The following PGPEP1L variants were observed in gnomAD, a reference collection of about 807,000 sequenced individuals.
PGPEP1L encodes pyroglutamyl-peptidase 1-like protein.
In PGPEP1L, 7 loss-of-function variants were observed where a neutral mutation model predicts 6.0. The ratio of observed to expected loss-of-function variants is 1.17; its 90% CI spans 0.66 to 2.19. PGPEP1L has a LOEUF of 2.19. Ranked by LOEUF, PGPEP1L falls within the 30% of genes most tolerant of loss-of-function variation. PGPEP1L has a pLI of 0.00. For synonymous variants in PGPEP1L, 103 were observed against 83.9 expected (o/e 1.23, Z -1.24); for missense variants, 209 against 192.5 (o/e 1.09, Z -0.51).
chr15:99,003,557 G>C (rs150573569), intron 2 of PGPEP1L, among the ~76,000 whole-genome samples: 1 of 152,292 alleles, frequency 6.6e-6, no homozygotes, highest in Non-Finnish European at 1.5e-5. Flanking sequence ...GAAGCAATTT[G>C]TCGGAGCCCT....
intron 2 of PGPEP1L, among the ~76,000 whole-genome samples, chr15:99,001,711 T>TTTTAC (rs59885998): frequency 0.078 from 11,861 of 151,236 alleles, 544 homozygotes; most frequent in South Asian, 0.11. Context: ...TATTTGTGTT[T>TTTTAC]TTTATTTTTG....
chr15:99,007,337 T>C (rs79562855), intron 1 of PGPEP1L, 22 bp downstream of exon 1: 14,824 of 152,294 alleles, frequency 0.097, 835 homozygotes, highest in African/African-American at 0.12. Context: ...GGTGAGCAGC[T>C]CTCCTAGCTC....
At chr15:98,979,032 G>GAT (rs35480332) in intron 2 of PGPEP1L, among the ~76,000 whole-genome samples, 5,232 of 145,702 alleles carry the variant, frequency 0.036, 190 homozygotes, top group African/African-American at 0.095. Flanking sequence ...CTGGCTACAG[G>GAT]ATATATATAT....
rs188379047 is a variant in PGPEP1L, at chr15:98,974,851, C to T, written c.-141-3693G>A. ...GGCGGAGGCTGCAGTGAGCCAAAAT[C>T]GCACCACTTCATTCCAGCCTGGGCA... On this transcript the variant is annotated intron_variant, in intron 2 of 4. Transcript: ENST00000535714. 5.2e-3 allele frequency among the ~76,000 whole-genome samples: 791 copies of T among 152,240 alleles called. 1 individual carries two copies. The highest frequency in any genetic ancestry group is 8.2e-3 in the Non-Finnish European group (556 of 68,016).
intron 2 of PGPEP1L, among the ~76,000 whole-genome samples, chr15:98,993,978 C>A (rs2017853764): frequency 6.6e-6 from 1 of 152,122 alleles, no homozygotes; most frequent in Admixed American, 6.5e-5. Flanking sequence ...CCTTAAAAAA[C>A]AAATTTTGGC....
chr15:99,007,007 T>C (rs2018079548), intron 1 of PGPEP1L, among the ~76,000 whole-genome samples: 1 of 152,102 alleles, frequency 6.6e-6, no homozygotes, highest in South Asian at 2.1e-4. Flanking sequence ...TCTGCTGAAT[T>C]GTCCTCCTGA....
intron 2 of PGPEP1L, among the ~76,000 whole-genome samples, chr15:99,000,301 T>G (rs1014160211): frequency 6.6e-6 from 1 of 152,152 alleles, no homozygotes; most frequent in Admixed American, 6.5e-5. Flanking sequence ...CTCCGTGGGC[T>G]CCTGTGCCAA....
chr15:99,006,587 G>C (rs782752595), intron 1 of PGPEP1L, among the ~76,000 whole-genome samples: 36 of 152,346 alleles, frequency 2.4e-4, no homozygotes, highest in Admixed American at 5.2e-4. Context: ...TCAGCATTTT[G>C]AGAGGCCAAG....
chr15:98,981,742 A>G (rs1297156627), intron 2 of PGPEP1L, among the ~76,000 whole-genome samples: 7 of 152,196 alleles, frequency 4.6e-5, no homozygotes, highest in Non-Finnish European at 1.0e-4. Context: ...CTAACGTACA[A>G]GGTTAATAAT....
At chr15:98,973,170 T>G (rs187170925) in intron 2 of PGPEP1L, among the ~76,000 whole-genome samples, 83 of 152,332 alleles carry the variant, frequency 5.4e-4, no homozygotes, top group African/African-American at 1.9e-3. Context: ...ATAGCTATTA[T>G]AAATGTATAT....
chr15:98,985,735 CCT>C lies in PGPEP1L; in HGVS notation c.-141-14579_-141-14578del, dbSNP rs201989566. ...ATGTGCCCTCAGGCCAGATGTGCAA[CCT>C]CTCTGAGCACCCCTTTCCTCATCTG... On this transcript the variant is annotated intron_variant, in intron 2 of 4. Transcript: ENST00000535714. Among the ~76,000 whole-genome samples the C allele has an allele frequency of 5.7e-3, 866 of 152,340 alleles. 9 individuals carry two copies. The highest frequency in any genetic ancestry group is 0.02 in the African/African-American group (818 of 41,570).
In PGPEP1L at chr15:98,998,641, C is replaced by G. The variant is rs141229622; in HGVS notation, c.-142+6788G>C. ...GAACCCTTCAACCTAAGCCTCACCC[C>G]TTACACAAAACTTAACCCAAATGAA... On this transcript the variant is annotated intron_variant, in intron 2 of 4. Coordinates refer to ENST00000535714, the MANE Select transcript of PGPEP1L (RefSeq NM_001167902.2). Among the ~76,000 whole-genome samples, 364 of 152,298 alleles carry G rather than the reference C, an allele frequency of 2.4e-3. 3 individuals are homozygous for G. Among genetic ancestry groups the G allele is most frequent in the African/African-American group, 8.3e-3 (344 of 41,564 alleles).
chr15:98,994,265 C>CA (rs1323437126), intron 2 of PGPEP1L, among the ~76,000 whole-genome samples: 1 of 151,782 alleles, frequency 6.6e-6, no homozygotes, highest in Non-Finnish European at 1.5e-5. Context: ...GACTCTGTCT[C>CA]AAAAAACAAA....
At position 98,969,423 on chromosome 15, in the gene PGPEP1L, A is replaced by ACC. The variant is rs746991281; in HGVS notation, c.209_209+1dup. The stretch of plus-strand genomic sequence containing the variant: ...CAGAGTCCTGACACCCACAGAGCAT[A>ACC]CCTGCCTGCATCTCGGGAAAAGATC... On this transcript the variant is annotated splice_donor_variant, in intron 4 of 4. Transcript: ENST00000535714. LOFTEE classifies it high-confidence loss of function. The ACC allele has an allele frequency of 5.0e-6, 8 of 1,613,884 alleles. No homozygotes were observed. The East Asian group carries it at 1.8e-4, about 36-fold the overall frequency.
At chr15:98,988,262 T>C (rs905409898) in intron 2 of PGPEP1L, among the ~76,000 whole-genome samples, 4 of 152,084 alleles carry the variant, frequency 2.6e-5, no homozygotes, top group African/African-American at 4.8e-5. Flanking sequence ...CACTGCAGCA[T>C]AGCAGTCTGA....
intron 2 of PGPEP1L, 136 bp from the exon 3 acceptor site, chr15:98,971,294 C>T: frequency 8.0e-7 from 1 of 1,244,674 alleles, no homozygotes; most frequent in Non-Finnish European, 1.1e-6. Flanking sequence ...CCTCAAGGAG[C>T]TCACAAAGTG....
chr15:98,987,412 G>A (rs1237841841), intron 2 of PGPEP1L, among the ~76,000 whole-genome samples: 1 of 151,996 alleles, frequency 6.6e-6, no homozygotes, highest in African/African-American at 2.4e-5. Flanking sequence ...TCCATCAGGA[G>A]CAAATGTTTC....
intron 2 of PGPEP1L, among the ~76,000 whole-genome samples, chr15:98,985,089 G>A (rs2017728146): frequency 6.6e-6 from 1 of 152,146 alleles, no homozygotes; most frequent in African/African-American, 2.4e-5. Flanking sequence ...TATGTCTAAG[G>A]CACTGGACGC....
chr15:99,002,485 TAC>T (rs112853612), intron 2 of PGPEP1L, among the ~76,000 whole-genome samples: 33 of 151,870 alleles, frequency 2.2e-4, no homozygotes, highest in South Asian at 2.1e-3. Context: ...TAGCTGAAAT[TAC>T]ACACACACAC....
Sources: allele counts gnomAD v4.1 joint callset (sites outside exome capture counted in the v4.1 genomes callset), GRCh38; gene constraint gnomAD v4.1.1; transcripts MANE v1.5; gene names NCBI Gene and HGNC (gene_info 2026-07-23, HGNC 2026-07-21).